Variants in CPED1 observed in about 807,000 individuals in gnomAD.
The protein encoded by CPED1 is cadherin like and PC-esterase domain containing 1, also known as cadherin-like and PC-esterase domain-containing protein 1.
In CPED1, 114 loss-of-function variants were observed where a neutral mutation model predicts 128.2. That is an observed-to-expected ratio of 0.89 (90% CI 0.76 to 1.04). The LOEUF (loss-of-function observed/expected upper bound fraction) is 1.04. Among genes scored for constraint, CPED1 ranks in the 50% least tolerant of loss-of-function variants. CPED1 has a pLI of 0.00. For missense variants in CPED1, 1,211 were observed against 1,207.1 expected (o/e 1.00, Z -0.05); for synonymous variants, 462 against 426.7 (o/e 1.08, Z -1.02).
intron 7 of CPED1, among the ~76,000 whole-genome samples, chr7:121,117,100 A>ACACATTATAT: frequency 1.4e-5 from 1 of 70,650 alleles, no homozygotes; most frequent in East Asian, 8.8e-4. Context: ...TATATATATA[A>ACACATTATAT]ATATATATAT....
chr7:121,032,728 A>G (rs1394243013), intron 3 of CPED1, among the ~76,000 whole-genome samples: 6 of 148,516 alleles, frequency 4.0e-5, no homozygotes, highest in Non-Finnish European at 8.9e-5. Flanking sequence ...GAAAAAAAGG[A>G]AAAAAAAAAC....
intron 2 of CPED1, among the ~76,000 whole-genome samples, chr7:121,013,824 G>A (rs1375424336): frequency 6.6e-6 from 1 of 152,152 alleles, no homozygotes; most frequent in Non-Finnish European, 1.5e-5. Context: ...ATCTAACCCT[G>A]TTTCTTCTTT....
intron 7 of CPED1, among the ~76,000 whole-genome samples, chr7:121,106,504 C>CTA (rs1444668724): frequency 3.3e-5 from 5 of 152,094 alleles, no homozygotes; most frequent in Non-Finnish European, 7.4e-5. Context: ...TGGAGGTAAG[C>CTA]TAATACTCAG....
At position 121,104,558 on chromosome 7, in the gene CPED1, T is replaced by C. The variant is rs17143157; in HGVS notation, c.918+4464T>C. Among the ~76,000 whole-genome samples the C allele has an allele frequency of 6.2e-3, 947 of 152,292 alleles. 8 individuals are homozygous for C. The highest frequency in any genetic ancestry group is 0.021 in the African/African-American group (891 of 41,570). On this transcript the variant is annotated intron_variant, in intron 7 of 22. Coordinates refer to ENST00000310396, the MANE Select transcript of CPED1 (RefSeq NM_024913.5). ...GACTATTTTTATGAAAATGTATCGCTGAAGAGATTTGTGACTTCTGGCAGA... is the reference window on the plus strand; with the variant it reads ...GACTATTTTTATGAAAATGTATCGCCGAAGAGATTTGTGACTTCTGGCAGA...
chr7:121,283,182 C>G (rs529876773), intron 22 of CPED1, among the ~76,000 whole-genome samples: 1 of 152,154 alleles, frequency 6.6e-6, no homozygotes, highest in Non-Finnish European at 1.5e-5. Context: ...AGTATTAGGA[C>G]CACATTTATG....
chr7:121,289,894 T>C (rs900054957), intron 22 of CPED1, among the ~76,000 whole-genome samples: 1 of 152,174 alleles, frequency 6.6e-6, no homozygotes, highest in Non-Finnish European at 1.5e-5. Flanking sequence ...GTCATGGTGG[T>C]TTGCTGCATC....
Position 120,989,643 on chromosome 7 carries a change from C to G in CPED1, c.22C>G (p.Pro8Ala). The G allele has an allele frequency of 6.2e-7, 1 of 1,613,904 alleles. No individual in the cohort carries two copies. The highest frequency in any genetic ancestry group is 8.5e-7 in the Non-Finnish European group (1 of 1,180,006). The change falls in exon 2 of 23, where the codon CCT becomes GCT. Residue 8 changes from proline to alanine, a missense_variant. By Grantham distance (27) the Pro-to-Ala change is conservative. Transcript: ENST00000310396. ...GGTCATGGTCTGTCGCCCAGTGTTCCCTTGTCGTCGGCGATTTTGCCCCCG... is the reference window on the plus strand; with the variant it reads ...GGTCATGGTCTGTCGCCCAGTGTTCGCTTGTCGTCGGCGATTTTGCCCCCG... MVCRPVF[P>A]CRRRFCPRPF...
chr7:121,113,352 G>A (rs1257228188), intron 7 of CPED1, among the ~76,000 whole-genome samples: 1 of 152,136 alleles, frequency 6.6e-6, no homozygotes, highest in South Asian at 2.1e-4. Context: ...CTCTAATACA[G>A]GGCAGAATGC....
chr7:121,268,525 A>G (rs1792175035), intron 21 of CPED1, among the ~76,000 whole-genome samples: 1 of 152,126 alleles, frequency 6.6e-6, no homozygotes, highest in African/African-American at 2.4e-5. Flanking sequence ...GATAATTGCA[A>G]GTGAAAGCAG....
chr7:121,287,881 G>T (rs1792617232), intron 22 of CPED1, among the ~76,000 whole-genome samples: 1 of 152,090 alleles, frequency 6.6e-6, no homozygotes, highest in African/African-American at 2.4e-5. Context: ...TTTCAGTATT[G>T]TAATGGGATC....
At chr7:121,191,137 TG>T (rs1797127398) in intron 16 of CPED1, among the ~76,000 whole-genome samples, 1 of 152,078 alleles carries the variant, frequency 6.6e-6, no homozygotes, top group Non-Finnish European at 1.5e-5. Flanking sequence ...GATAGGTGCT[TG>T]GGGGAAAAAA....
intron 16 of CPED1, among the ~76,000 whole-genome samples, chr7:121,153,219 T>C (rs1464420049): frequency 6.6e-6 from 1 of 152,190 alleles, no homozygotes; most frequent in East Asian, 1.9e-4. Flanking sequence ...ATTTTGTATC[T>C]GTAATCTCTA....
chr7:121,268,561 G>A (rs1188125265), intron 21 of CPED1, among the ~76,000 whole-genome samples: 1 of 152,066 alleles, frequency 6.6e-6, no homozygotes, highest in African/African-American at 2.4e-5. Flanking sequence ...TTCTCATCAT[G>A]TGCTCATATA....
Position 121,140,864 on chromosome 7 carries a change from A to T in CPED1, c.1737A>T (p.Thr579=). The change falls in exon 15 of 23, where the codon ACA becomes ACT. Residue 579 remains threonine, a synonymous_variant. Transcript: ENST00000310396. ...CATGTCATATCAAGCAGATCTTCACACATCCACATTTGGAACTAAATCCTG... is the reference window on the plus strand; with the variant it reads ...CATGTCATATCAAGCAGATCTTCACTCATCCACATTTGGAACTAAATCCTG... The part of the protein sequence containing the change: ...NTPCHIKQIF[T]HPHLELNPDF... 6.2e-7 allele frequency: 1 copy of T among 1,612,560 alleles called. No individual in the cohort carries two copies.
chr7:121,042,371 A>G (rs1256259592), intron 3 of CPED1, among the ~76,000 whole-genome samples: 1 of 152,160 alleles, frequency 6.6e-6, no homozygotes, highest in Non-Finnish European at 1.5e-5. Flanking sequence ...GCTTCCAAAG[A>G]CAAACAGATG....
chr7:121,253,709 G>C (rs975979500), intron 18 of CPED1, among the ~76,000 whole-genome samples: 1 of 151,888 alleles, frequency 6.6e-6, no homozygotes, highest in African/African-American at 2.4e-5. Context: ...ACACCCACAA[G>C]CTCAAAGTAA....
At chr7:121,119,007 ACAAAT>A (rs1298253613) in intron 7 of CPED1, among the ~76,000 whole-genome samples, 1 of 152,126 alleles carries the variant, frequency 6.6e-6, no homozygotes, top group Non-Finnish European at 1.5e-5. Context: ...ATATATTCAG[ACAAAT>A]CAGAGCTGTA....
chr7:121,070,112 A>G (rs1398181956), intron 5 of CPED1, among the ~76,000 whole-genome samples: 6 of 151,448 alleles, frequency 4.0e-5, no homozygotes, highest in Admixed American at 6.6e-5. Flanking sequence ...ATCAAAAACA[A>G]GACAGAGCTT....
intron 16 of CPED1, among the ~76,000 whole-genome samples, chr7:121,216,946 G>A (rs973473305): frequency 6.6e-6 from 1 of 151,978 alleles, no homozygotes; most frequent in African/African-American, 2.4e-5. Context: ...GGTTTGCTTA[G>A]CTGTTACGCT....
Sources: gnomAD v4.1 joint callset for allele counts (sites outside exome capture counted in the v4.1 genomes callset) on GRCh38, gnomAD v4.1.1 for gene constraint, MANE v1.5 for transcripts, NCBI Gene and HGNC (gene_info 2026-07-23, HGNC 2026-07-21) for gene names.